Variants in CNTN5 observed in about 807,000 individuals in gnomAD.
CNTN5 encodes the protein contactin-5.
Under a neutral mutation model 129.1 loss-of-function variants are expected in CNTN5, and 77 were observed. The observed-to-expected ratio is 0.60, with a 90% CI of 0.50 to 0.72. The LOEUF is 0.72. Among genes scored for constraint, CNTN5 ranks in the 30% least tolerant of loss-of-function variants. The pLI is 0.00. For missense variants in CNTN5, 1,478 were observed against 1,328.8 expected (o/e 1.11, Z -1.75); for synonymous variants, 509 against 465.6 (o/e 1.09, Z -1.20).
chr11:99,611,812 A>G (rs981652016), intron 3 of CNTN5, among the ~76,000 whole-genome samples: 1 of 152,218 alleles, frequency 6.6e-6, no homozygotes, highest in South Asian at 2.1e-4. Flanking sequence ...TTAACAGCCA[A>G]TTGGATAGAC....
At chr11:100,290,933 A>C (rs1290686757) in intron 18 of CNTN5, among the ~76,000 whole-genome samples, 1 of 152,010 alleles carries the variant, frequency 6.6e-6, no homozygotes, top group Non-Finnish European at 1.5e-5. Context: ...CAACCCCATC[A>C]AACAGTGGGC....
chr11:99,232,576 T>C (rs940358654), intron 1 of CNTN5, among the ~76,000 whole-genome samples: 2 of 152,190 alleles, frequency 1.3e-5, no homozygotes, highest in African/African-American at 4.8e-5. Flanking sequence ...GTTTTCTAGA[T>C]ATTGTATCAT....
chr11:99,835,353 G>A (rs1280063586), intron 4 of CNTN5, among the ~76,000 whole-genome samples: 2 of 152,192 alleles, frequency 1.3e-5, no homozygotes, highest in East Asian at 3.9e-4. Context: ...TGGGATGAGG[G>A]TTCCTATGTG....
rs546343731 is a variant in CNTN5, at chr11:99,471,580, A to G, written c.-70-84565A>G. On this transcript the variant is annotated intron_variant, in intron 2 of 24. Transcript: ENST00000524871. Reference sequence around the variant, plus strand: ...TGCCATCTTGAGAAAGTTGTGAAACATCTCTGTACCTCACTCCTTCATCTG... The same window carrying G: ...TGCCATCTTGAGAAAGTTGTGAAACGTCTCTGTACCTCACTCCTTCATCTG... Among the ~76,000 whole-genome samples, 7 of 152,140 alleles carry G rather than the reference A, an allele frequency of 4.6e-5. No homozygotes were observed. The East Asian group carries it at 5.8e-4, about 13-fold the overall frequency.
chr11:100,038,834 T>G (rs1331715162), intron 9 of CNTN5, among the ~76,000 whole-genome samples: 1 of 152,170 alleles, frequency 6.6e-6, no homozygotes, highest in Non-Finnish European at 1.5e-5. Flanking sequence ...CATCTTCCTC[T>G]ATCCCTTTAT....
intron 16 of CNTN5, among the ~76,000 whole-genome samples, chr11:100,243,651 T>C (rs1021774143): frequency 2.6e-5 from 4 of 152,208 alleles, no homozygotes; most frequent in African/African-American, 9.6e-5. Flanking sequence ...CTTCTGTTTC[T>C]GCACATGAGC....
Position 100,297,671 on chromosome 11 carries a change from G to A in CNTN5, c.2361G>A (p.Arg787=). The A allele has an allele frequency of 1.2e-6, 2 of 1,604,330 alleles. No homozygotes were observed. Among genetic ancestry groups the A allele is most frequent in the Non-Finnish European group, 8.5e-7 (1 of 1,174,416 alleles). ...PTNVSGRSGR[R]HELVIAWEPV... ...ATGTAAGCGGAAGAAGTGGAAGAAG[G>A]CATGAGTTAGTCATTGCCTGGGAGG... Residue 787 remains arginine, a synonymous_variant, in exon 19 of 25, where the codon AGG becomes AGA. Transcript: ENST00000524871.
At chr11:99,404,223 G>A (rs761632387) in intron 2 of CNTN5, among the ~76,000 whole-genome samples, 40 of 150,446 alleles carry the variant, frequency 2.7e-4, no homozygotes, top group African/African-American at 7.3e-4. Context: ...TTTTTCATCC[G>A]TTTATTTTCA....
Position 99,799,479 on chromosome 11 carries a change from T to C in CNTN5, c.56-20065T>C, listed in dbSNP as rs1024838420. The stretch of plus-strand genomic sequence containing the variant: ...TGAAGCAAGGCCGGATTTTATCAAA[T>C]GCTCTTCCTTGTCTTTTGAGATCAT... On this transcript the variant is annotated intron_variant, in intron 3 of 24. Coordinates refer to ENST00000524871, the MANE Select transcript of CNTN5 (RefSeq NM_014361.4). Among the ~76,000 whole-genome samples the C allele has an allele frequency of 5.3e-5, 8 of 152,108 alleles. No individual in the cohort carries two copies. In the South Asian group the frequency reaches 6.2e-4, roughly 12 times the overall value.
At chr11:100,110,216 A>C (rs1945604211) in intron 13 of CNTN5, among the ~76,000 whole-genome samples, 1 of 150,440 alleles carries the variant, frequency 6.6e-6, no homozygotes, top group Non-Finnish European at 1.5e-5. Context: ...GAAAAAGAAA[A>C]GATAAAACAT....
intron 1 of CNTN5, among the ~76,000 whole-genome samples, chr11:99,104,032 GGCAGACCTAGGAAGCT>G (rs1477403277): frequency 6.6e-6 from 1 of 152,120 alleles, no homozygotes; most frequent in African/African-American, 2.4e-5. Context: ...ATTCTTTTAT[GGCAGACCTAGGAAGCT>G]GATATATGTA....
intron 9 of CNTN5, among the ~76,000 whole-genome samples, chr11:100,038,368 G>A (rs1942156576): frequency 6.6e-6 from 1 of 152,170 alleles, no homozygotes; most frequent in African/African-American, 2.4e-5. Context: ...TACATTTGCT[G>A]AGGAGTGCTT....
chr11:99,851,390 G>C (rs1223110346), intron 6 of CNTN5, among the ~76,000 whole-genome samples: 3 of 152,104 alleles, frequency 2.0e-5, no homozygotes, highest in Non-Finnish European at 4.4e-5. Context: ...TATTCCTGAA[G>C]CTTATGTTTG....
chr11:99,083,094 G>C (rs1035492162), intron 1 of CNTN5, among the ~76,000 whole-genome samples: 2 of 151,782 alleles, frequency 1.3e-5, no homozygotes, highest in Admixed American at 6.6e-5. Flanking sequence ...AATTGACAAG[G>C]GTTGTTGTTC....
At chr11:99,214,264 C>A (rs964931412) in intron 1 of CNTN5, among the ~76,000 whole-genome samples, 8 of 151,674 alleles carry the variant, frequency 5.3e-5, no homozygotes, top group African/African-American at 1.9e-4. Context: ...CCTGATAAAA[C>A]ATGGAATTGA....
At chr11:99,046,644 G>T (rs2135158387) in intron 1 of CNTN5, among the ~76,000 whole-genome samples, 1 of 152,092 alleles carries the variant, frequency 6.6e-6, no homozygotes, top group Admixed American at 6.6e-5. Flanking sequence ...TCTTCATGAG[G>T]TTTTTGTTTA....
Position 99,973,080 on chromosome 11 carries a change from A to G in CNTN5, c.877+16071A>G, listed in dbSNP as rs1008411787. On this transcript the variant is annotated intron_variant, in intron 8 of 24. Coordinates refer to ENST00000524871, the MANE Select transcript of CNTN5 (RefSeq NM_014361.4). ...AAGGTGAATGAAAGGCGATAACAAAATCGTGTTGGAGGGAATCTCACTAAA... is the reference window on the plus strand; with the variant it reads ...AAGGTGAATGAAAGGCGATAACAAAGTCGTGTTGGAGGGAATCTCACTAAA... 2.0e-5 allele frequency among the ~76,000 whole-genome samples: 3 copies of G among 152,208 alleles called. 1 individual carries two copies. The highest frequency in any genetic ancestry group is 4.1e-4 in the South Asian group (2 of 4,824).
intron 16 of CNTN5, among the ~76,000 whole-genome samples, chr11:100,232,684 A>G (rs979394349): frequency 6.6e-6 from 1 of 152,186 alleles, no homozygotes; most frequent in Non-Finnish European, 1.5e-5. Context: ...TCAAACATTT[A>G]TAGAGCACAT....
At chr11:99,237,605 C>T (rs113867975) in intron 1 of CNTN5, among the ~76,000 whole-genome samples, 2,571 of 151,970 alleles carry the variant, frequency 0.017, 85 homozygotes, top group African/African-American at 0.059. Context: ...CGTTTGAACC[C>T]GGGAGGCGGA....
Sources: allele counts gnomAD v4.1 joint callset (sites outside exome capture counted in the v4.1 genomes callset), GRCh38; gene constraint gnomAD v4.1.1; transcripts MANE v1.5; gene names NCBI Gene and HGNC (gene_info 2026-07-23, HGNC 2026-07-21).